SLC4A4: variants seen among roughly 807,000 people sequenced by gnomAD.
SLC4A4 encodes electrogenic sodium bicarbonate cotransporter 1.
In SLC4A4, 27 loss-of-function variants were observed where a neutral mutation model predicts 111.5. The observed-to-expected ratio is 0.24, with a 90% CI of 0.18 to 0.33. SLC4A4 has a LOEUF of 0.33. Among genes scored for constraint, SLC4A4 ranks in the 10% least tolerant of loss-of-function variants. The probability of loss-of-function intolerance (pLI) is 1.00; values close to 1 mark genes in which losing one functional copy is unlikely to be tolerated. For synonymous variants in SLC4A4, 443 were observed against 463.4 expected, an observed-to-expected ratio of 0.96 and a Z score of 0.57; for missense variants, 909 against 1,315.5, an observed-to-expected ratio of 0.69 and a Z score of 4.78.
At chr4:71,464,395 A>C (rs1308908113) in intron 12 of SLC4A4, among the ~76,000 whole-genome samples, 1 of 152,160 alleles carries the variant, frequency 6.6e-6, no homozygotes, top group African/African-American at 2.4e-5. Context: ...GCATAAATAC[A>C]TCTTGGTTCT....
At chr4:71,503,434 T>C (rs1731124563) in intron 16 of SLC4A4, among the ~76,000 whole-genome samples, 1 of 152,086 alleles carries the variant, frequency 6.6e-6, no homozygotes, top group African/African-American at 2.4e-5. Context: ...CTAAGCTTTG[T>C]TTCTTTTCCC....
intron 3 of SLC4A4, among the ~76,000 whole-genome samples, chr4:71,272,857 A>G (rs1209514025): frequency 3.9e-5 from 6 of 152,232 alleles, no homozygotes; most frequent in Admixed American, 2.0e-4. Flanking sequence ...AGATATAGCA[A>G]TGTCACAAAT....
At chr4:71,463,499 C>T (rs1328403409) in intron 12 of SLC4A4, among the ~76,000 whole-genome samples, 1 of 152,130 alleles carries the variant, frequency 6.6e-6, no homozygotes, top group East Asian at 1.9e-4. Flanking sequence ...AAGCAAGTTT[C>T]CAGTGCAGTG....
intron 2 of SLC4A4, among the ~76,000 whole-genome samples, chr4:71,111,810 C>A (rs902752337): frequency 1.3e-5 from 2 of 151,928 alleles, no homozygotes; most frequent in Admixed American, 1.3e-4. Context: ...GATTCTCCTG[C>A]CTCAGCCTCC....
At chr4:71,525,207 C>T (rs186254126) in intron 16 of SLC4A4, among the ~76,000 whole-genome samples, 7 of 152,180 alleles carry the variant, frequency 4.6e-5, no homozygotes, top group African/African-American at 1.7e-4. Flanking sequence ...ATTTCCTTTT[C>T]CATCCACTTA....
intron 3 of SLC4A4, among the ~76,000 whole-genome samples, chr4:71,261,739 T>C (rs1400668772): frequency 6.6e-6 from 1 of 152,224 alleles, no homozygotes; most frequent in East Asian, 1.9e-4. Context: ...TCATTTCTTG[T>C]TGCCACTGGC....
At chr4:71,418,454 A>C (rs183471657) in intron 7 of SLC4A4, among the ~76,000 whole-genome samples, 17 of 152,350 alleles carry the variant, frequency 1.1e-4, no homozygotes, top group African/African-American at 1.9e-4. Context: ...TTTCATACAC[A>C]CTGGAAATCT....
At position 71,488,928 on chromosome 4, in the gene SLC4A4, G is replaced by A. The variant is rs200655560; in HGVS notation, c.1974+1910G>A. ...TGTGTGTGTGTGTGTGTGTGTGTGT[G>A]GTCATGAAGGCCAACTTTTATTTTA... On this transcript the variant is annotated intron_variant, in intron 15 of 25. Coordinates refer to ENST00000264485, the MANE Select transcript of SLC4A4 (RefSeq NM_001098484.3). 5.4e-5 allele frequency among the ~76,000 whole-genome samples: 8 copies of A among 147,934 alleles called. No individual in the cohort carries two copies. In the East Asian group the frequency reaches 1.4e-3, roughly 26 times the overall value.
At chr4:71,067,660 A>C (rs115426568) in intron 1 of SLC4A4, among the ~76,000 whole-genome samples, 5 of 152,210 alleles carry the variant, frequency 3.3e-5, no homozygotes, top group Admixed American at 1.3e-4. Flanking sequence ...TGGATAACCC[A>C]GGCCTAAATA....
intron 3 of SLC4A4, among the ~76,000 whole-genome samples, chr4:71,305,076 ATG>A (rs1725577633): frequency 4.6e-5 from 7 of 152,208 alleles, no homozygotes; most frequent in African/African-American, 1.7e-4. Context: ...CCTTACATTC[ATG>A]AGCTTATTTA....
intron 3 of SLC4A4, among the ~76,000 whole-genome samples, chr4:71,261,313 G>A (rs563315892): frequency 1.9e-4 from 29 of 152,318 alleles, no homozygotes; most frequent in Admixed American, 1.7e-3. Flanking sequence ...TTAGTCGGCA[G>A]TTGTAATTCC....
intron 4 of SLC4A4, among the ~76,000 whole-genome samples, chr4:71,342,818 T>A (rs1729001944): frequency 6.6e-6 from 1 of 152,196 alleles, no homozygotes; most frequent in African/African-American, 2.4e-5. Flanking sequence ...AAGATTAAGA[T>A]GGTTTTGAAT....
chr4:71,125,378 G>A (rs1743532891), intron 2 of SLC4A4, among the ~76,000 whole-genome samples: 2 of 152,192 alleles, frequency 1.3e-5, no homozygotes, highest in South Asian at 2.1e-4. Flanking sequence ...TTGGAGGCCA[G>A]CCTGGCCAAC....
chr4:71,382,185 A>C (rs1718209052), intron 6 of SLC4A4, among the ~76,000 whole-genome samples: 2 of 144,606 alleles, frequency 1.4e-5, no homozygotes, highest in African/African-American at 5.1e-5. Context: ...TTGATTTTCC[A>C]AAAAAAAAAA....
chr4:71,188,507 G>T (rs1453150446), intron 1 of SLC4A4, among the ~76,000 whole-genome samples: 1 of 152,114 alleles, frequency 6.6e-6, no homozygotes, highest in Non-Finnish European at 1.5e-5. Flanking sequence ...TGTACTAAAC[G>T]CTCATTGTCT....
intron 3 of SLC4A4, among the ~76,000 whole-genome samples, chr4:71,302,499 G>C (rs967815721): frequency 2.6e-5 from 4 of 152,178 alleles, no homozygotes; most frequent in African/African-American, 9.7e-5. Context: ...ACCTTTAAAA[G>C]TATAAAGCAG....
intron 1 of SLC4A4, among the ~76,000 whole-genome samples, chr4:71,206,557 G>C (rs1717779575): frequency 1.3e-5 from 2 of 152,058 alleles, no homozygotes; most frequent in South Asian, 4.2e-4. Flanking sequence ...CATTGATAAA[G>C]AATAAAATAG....
At chr4:71,374,929 T>C (rs1477774848) in intron 6 of SLC4A4, among the ~76,000 whole-genome samples, 4 of 152,210 alleles carry the variant, frequency 2.6e-5, no homozygotes, top group African/African-American at 9.6e-5. Context: ...TCCTGATCCT[T>C]ACCATCTTTC....
intron 23 of SLC4A4, among the ~76,000 whole-genome samples, chr4:71,562,332 A>T (rs372952352): frequency 4.0e-5 from 6 of 151,766 alleles, no homozygotes; most frequent in African/African-American, 1.4e-4. Flanking sequence ...TAGGGGCTCC[A>T]CATTACAAAT....
Sources: gnomAD v4.1 joint callset for allele counts (sites outside exome capture counted in the v4.1 genomes callset) on GRCh38, gnomAD v4.1.1 for gene constraint, MANE v1.5 for transcripts, NCBI Gene and HGNC (gene_info 2026-07-23, HGNC 2026-07-21) for gene names.